The following LRPPRC variants were observed in gnomAD, a reference collection of about 807,000 sequenced individuals.
LRPPRC encodes leucine rich pentatricopeptide repeat containing, also known as leucine-rich PPR motif-containing protein, mitochondrial.
Under a neutral mutation model 180.3 loss-of-function variants are expected in LRPPRC, and 120 were observed. The observed-to-expected ratio is 0.67, with a 90% CI of 0.57 to 0.77. LRPPRC has a LOEUF of 0.77. Among genes scored for constraint, LRPPRC ranks in the 30% least tolerant of loss-of-function variants. The pLI is 0.00. For missense variants in LRPPRC, 2,012 were observed against 1,657.2 expected, an observed-to-expected ratio of 1.21 and a Z score of -3.72; for synonymous variants, 723 against 600.0, an observed-to-expected ratio of 1.21 and a Z score of -3.00.
Position 43,992,680 on chromosome 2 carries a change from G to A in LRPPRC, c.149+3119C>T, listed in dbSNP as rs148641468. Among the ~76,000 whole-genome samples, 61 of 152,256 alleles carry A rather than the reference G, an allele frequency of 4.0e-4. No homozygotes were observed. In the East Asian group the frequency reaches 9.3e-3, roughly 23 times the overall value. The stretch of plus-strand genomic sequence containing the variant: ...AATCATTTGTGCAATCAATAAATGG[G>A]GGGTGAAGGGAGTGAGAGATGAATG... On this transcript the variant is annotated intron_variant, in intron 1 of 37. Transcript: ENST00000260665.
intron 29 of LRPPRC, among the ~76,000 whole-genome samples, chr2:43,917,070 C>G (rs2105023234): frequency 8.1e-6 from 1 of 123,874 alleles, no homozygotes; most frequent in African/African-American, 3.1e-5. Context: ...GAGACGGAGT[C>G]TTACTCTGTC....
At chr2:43,980,003 T>C (rs1674233186) in intron 2 of LRPPRC, 55 bp from the exon 3 acceptor site, 1 of 1,543,964 alleles carries the variant, frequency 6.5e-7, no homozygotes, top group African/African-American at 1.4e-5. Flanking sequence ...ATCACATAGA[T>C]AAATATCAAA....
chr2:43,930,487 G>C (rs1672048827), intron 25 of LRPPRC, among the ~76,000 whole-genome samples: 1 of 152,118 alleles, frequency 6.6e-6, no homozygotes, highest in South Asian at 2.1e-4. Context: ...ATTATTTACT[G>C]GTTGAACATC....
chr2:43,927,925 T>C (rs1671948386), intron 25 of LRPPRC, among the ~76,000 whole-genome samples: 1 of 152,212 alleles, frequency 6.6e-6, no homozygotes, highest in Admixed American at 6.5e-5. Context: ...CTTAACATCT[T>C]ATTGAATTTT....
Position 43,995,940 on chromosome 2 carries a change from G to T in LRPPRC, c.8C>A (p.Ala3Asp). 6.6e-7 allele frequency: 1 copy of T among 1,526,184 alleles called. No individual in the cohort carries two copies. The highest frequency in any genetic ancestry group is 8.7e-7 in the Non-Finnish European group (1 of 1,143,262). The allele number at this position is 1,526,184 out of a possible 1,614,324, so 94.5% of individuals were successfully genotyped here. A position where few individuals can be genotyped will look rare whatever the true frequency, so the allele number is the denominator to read the frequency against. ...CAACCAACGCGCGGATCTCAGCAGGGCTGCCATTGCTCGAACGTCCCCGCA... is the reference window on the plus strand; with the variant it reads ...CAACCAACGCGCGGATCTCAGCAGGTCTGCCATTGCTCGAACGTCCCCGCA... MA[A>D]LLRSARWLLR... Residue 3 changes from alanine (A) to aspartate (D), a missense_variant, in exon 1 of 38, where the codon GCC (alanine) becomes GAC (aspartate). Physicochemically the swap from Ala to Asp is moderately radical, Grantham distance 126. Transcript: ENST00000260665.
At chr2:43,969,018 G>A (rs921398888) in intron 11 of LRPPRC, among the ~76,000 whole-genome samples, 1 of 152,168 alleles carries the variant, frequency 6.6e-6, no homozygotes, top group Non-Finnish European at 1.5e-5. Context: ...AATATATATA[G>A]TTTGTGTCAA....
intron 22 of LRPPRC, 106 bp downstream of exon 22, chr2:43,945,226 G>C (rs952453736): frequency 6.2e-6 from 5 of 802,950 alleles, no homozygotes; most frequent in Non-Finnish European, 1.1e-5. Context: ...TCTATGCAAA[G>C]TGTTCAAGCA....
At chr2:43,995,774 C>T (rs1651086064) in intron 1 of LRPPRC, 25 bp downstream of exon 1, 9 of 1,350,332 alleles carry the variant, frequency 6.7e-6, no homozygotes, top group Middle Eastern at 2.7e-4. Flanking sequence ...CGCAGCTTGC[C>T]TGGAGAAAGG....
At chr2:43,905,401 T>C (rs900151169) in intron 31 of LRPPRC, among the ~76,000 whole-genome samples, 1 of 152,202 alleles carries the variant, frequency 6.6e-6, no homozygotes, top group Non-Finnish European at 1.5e-5. Context: ...CTTTCTCTCG[T>C]TCTGGAACAC....
chr2:43,927,066 T>C (rs1381724496), intron 25 of LRPPRC, among the ~76,000 whole-genome samples: 1 of 152,190 alleles, frequency 6.6e-6, no homozygotes, highest in African/African-American at 2.4e-5. Flanking sequence ...TCAACATAAT[T>C]CCAAGGATTT....
At chr2:43,905,950 A>G (rs1671054221) in intron 30 of LRPPRC, among the ~76,000 whole-genome samples, 170 bp from the exon 31 acceptor site, 1 of 152,254 alleles carries the variant, frequency 6.6e-6, no homozygotes. Flanking sequence ...TGGTTATAGA[A>G]GGATAATTTT....
Position 43,894,540 on chromosome 2 carries a change from A to C in LRPPRC, c.3985+5T>G, listed in dbSNP as rs753681045. 1 of 1,337,538 alleles carries C rather than the reference A, an allele frequency of 7.5e-7. No homozygotes were observed. The highest frequency in any genetic ancestry group is 1.1e-6 in the Non-Finnish European group (1 of 928,594). 82.9% of individuals were successfully genotyped at this position (1,337,538 alleles called of 1,614,324 possible). A position where few individuals can be genotyped will look rare whatever the true frequency, so the allele number is the denominator to read the frequency against. ...AATAATATAGTCAAATTAAACTTAT[A>C]TTACCATAGCTTTTCATGAGGGAAT... On this transcript the variant is annotated splice_donor_5th_base_variant and intron_variant, in intron 36 of 37. Coordinates refer to ENST00000260665, the MANE Select transcript of LRPPRC (RefSeq NM_133259.4).
At chr2:43,974,423 AAT>A in intron 8 of LRPPRC, 128 bp from the exon 9 acceptor site, 1 of 836,068 alleles carries the variant, frequency 1.2e-6, no homozygotes. Flanking sequence ...CCTAAATAAC[AAT>A]AAAACACCTG....
intron 1 of LRPPRC, among the ~76,000 whole-genome samples, chr2:43,985,122 CACT>C (rs1490588288): frequency 6.7e-6 from 1 of 150,320 alleles, no homozygotes; most frequent in African/African-American, 2.4e-5. Flanking sequence ...GGACCCTCCC[CACT>C]ACTTTTAAGC....
chr2:43,946,081 T>C (rs754740743), intron 21 of LRPPRC, 32 bp downstream of exon 21: 4 of 1,606,890 alleles, frequency 2.5e-6, no homozygotes, highest in Middle Eastern at 3.3e-4. Context: ...AGAATAAATG[T>C]TGACAACTTG....
At chr2:43,911,446 G>C (rs1221929193) in intron 30 of LRPPRC, among the ~76,000 whole-genome samples, 2 of 151,540 alleles carry the variant, frequency 1.3e-5, no homozygotes. Context: ...TTCTGCTTAG[G>C]ATTCTAATAT....
intron 13 of LRPPRC, chr2:43,958,863 G>T (rs899742592): frequency 4.5e-6 from 1 of 220,536 alleles, no homozygotes; most frequent in African/African-American, 2.3e-5. Flanking sequence ...AAGCTGGAGG[G>T]GAAGGCACTG....
chr2:43,925,942 C>A lies in LRPPRC; in HGVS notation c.2756G>T (p.Arg919Leu). The A allele has an allele frequency of 1.2e-6, 2 of 1,610,316 alleles. No homozygotes were observed. Among genetic ancestry groups the A allele is most frequent in the Non-Finnish European group, 1.7e-6 (2 of 1,176,554 alleles). ...ACAAAACCACTGAAGCCTTGCAGAT[C>A]GAGCTCTAATCCCTGGAGTCTGTAA... is the stretch of plus-strand genomic sequence containing the variant. ...KIIETPGIRA[R>L]SARLQWFCDR... Residue 919 changes from arginine to leucine, a missense_variant, in exon 26 of 38, where the codon CGA (arginine) becomes CTA (leucine). By Grantham distance (102) the Arg-to-Leu change is moderately radical. Transcript: ENST00000260665.
intron 23 of LRPPRC, among the ~76,000 whole-genome samples, chr2:43,941,211 T>C (rs972818749): frequency 3.3e-5 from 5 of 152,162 alleles, no homozygotes; most frequent in African/African-American, 1.2e-4. Flanking sequence ...TCTCCTGTGT[T>C]TTGTCCAATG....
Sources: gnomAD v4.1 joint callset for allele counts (sites outside exome capture counted in the v4.1 genomes callset) on GRCh38, gnomAD v4.1.1 for gene constraint, MANE v1.5 for transcripts, NCBI Gene and HGNC (gene_info 2026-07-23, HGNC 2026-07-21) for gene names.